SMURF1: variants seen among roughly 807,000 people sequenced by gnomAD.
SMURF1 encodes SMAD specific E3 ubiquitin protein ligase 1.
A neutral mutation model predicts 98.0 loss-of-function variants in SMURF1; 44 were observed. The ratio of observed to expected loss-of-function variants is 0.45; its 90% confidence interval spans 0.35 to 0.58. The LOEUF is 0.58. Ranked by LOEUF, SMURF1 falls within the 20% of genes least tolerant of loss-of-function variation. The pLI is 0.00. For synonymous variants in SMURF1, 396 were observed against 374.9 expected (o/e 1.06, Z -0.65); for missense variants, 687 against 938.4 (o/e 0.73, Z 3.50).
intron 1 of SMURF1, among the ~76,000 whole-genome samples, chr7:99,088,640 T>C (rs956539831): frequency 1.3e-5 from 2 of 152,118 alleles, no homozygotes; most frequent in African/African-American, 2.4e-5. Flanking sequence ...TTCAAGCAGA[T>C]TTTAAGAATT....
intron 1 of SMURF1, among the ~76,000 whole-genome samples, chr7:99,118,406 GTCAA>G (rs1449651758): frequency 2.0e-5 from 3 of 152,156 alleles, no homozygotes; most frequent in Admixed American, 6.5e-5. Context: ...CAATCCAAAT[GTCAA>G]TCAATTAAAA....
At chr7:99,070,545 T>G (rs575774127) in intron 1 of SMURF1, among the ~76,000 whole-genome samples, 2 of 152,350 alleles carry the variant, frequency 1.3e-5, no homozygotes, top group South Asian at 4.1e-4. Flanking sequence ...CTGAAGCAAG[T>G]ACTGTGTCTT....
chr7:99,063,238 T>TATATATATATATATATATATATAAG lies in SMURF1; in HGVS notation c.56-1402_56-1401insCTTATATATATATATATATATATAT, dbSNP rs1491463254. On this transcript the variant is annotated intron_variant, in intron 1 of 17. Coordinates refer to ENST00000361368, the MANE Select transcript of SMURF1 (RefSeq NM_181349.3). ...AAGATATATATATATATATAAGATT[T>TATATATATATATATATATATATAAG]ATTTATATATATATATATATATATA... 4.4e-3 allele frequency among the ~76,000 whole-genome samples: 22 copies of TATATATATATATATATATATATAAG among 5,044 alleles called. 3 individuals carry two copies. In the East Asian group the frequency reaches 0.15, roughly 35 times the overall value. 3.3% of individuals were successfully genotyped at this position (5,044 alleles called of 152,430 possible). A position where few individuals can be genotyped will look rare whatever the true frequency, so the allele number is the denominator to read the frequency against.
At position 99,027,707 on chromosome 7, in the gene SMURF1, C is replaced by G. The variant is rs1264741508; in HGVS notation, c.*2877G>C. On this transcript the variant is annotated 3_prime_UTR_variant, in exon 18 of 18. Coordinates refer to ENST00000361368, the MANE Select transcript of SMURF1 (RefSeq NM_181349.3). The stretch of plus-strand genomic sequence containing the variant: ...ACATTACAAAATAAATTAAAAAATA[C>G]GTTATAAAGTGGTTGAGAAACAAAA... 6.6e-6 allele frequency: 1 copy of G among 152,572 alleles called. No individual in the cohort carries two copies. Among genetic ancestry groups the G allele is most frequent in the East Asian group, 1.9e-4 (1 of 5,204 alleles). The allele number at this position is 152,572 out of a possible 1,614,324, so 9.5% of individuals were successfully genotyped here.
chr7:99,091,295 G>T (rs1408885398), intron 1 of SMURF1, among the ~76,000 whole-genome samples: 1 of 152,134 alleles, frequency 6.6e-6, no homozygotes, highest in East Asian at 1.9e-4. Flanking sequence ...TAAAATTCAT[G>T]CAATGCATAC....
chr7:99,141,901 G>A (rs1339741675), intron 1 of SMURF1, among the ~76,000 whole-genome samples: 1 of 152,216 alleles, frequency 6.6e-6, no homozygotes, highest in Non-Finnish European at 1.5e-5. Context: ...GAAAAATCCA[G>A]GGGAAAATCC....
At chr7:99,078,555 A>G (rs910899471) in intron 1 of SMURF1, among the ~76,000 whole-genome samples, 1 of 150,430 alleles carries the variant, frequency 6.6e-6, no homozygotes, top group African/African-American at 2.4e-5. Flanking sequence ...GCAGGAGGTG[A>G]GCAGCCAGCA....
intron 4 of SMURF1, 55 bp from the exon 5 acceptor site, chr7:99,057,325 C>T: frequency 6.2e-7 from 1 of 1,613,652 alleles, no homozygotes; most frequent in Non-Finnish European, 8.5e-7. Flanking sequence ...GGGAGGAAGG[C>T]AGGAATTCAG....
chr7:99,060,573 T>G (rs1796010415), intron 3 of SMURF1, 26 bp downstream of exon 3: 1 of 1,555,640 alleles, frequency 6.4e-7, no homozygotes, highest in Admixed American at 1.7e-5. Context: ...CCGCTCCGCA[T>G]GGGGCTTACA....
chr7:99,086,490 A>T (rs546975720), intron 1 of SMURF1, among the ~76,000 whole-genome samples: 3 of 152,216 alleles, frequency 2.0e-5, no homozygotes, highest in Non-Finnish European at 4.4e-5. Flanking sequence ...ACCACTTTGG[A>T]AAACAAGTTG....
intron 1 of SMURF1, among the ~76,000 whole-genome samples, chr7:99,126,977 G>C (rs1304900552): frequency 6.6e-6 from 1 of 152,190 alleles, no homozygotes; most frequent in Non-Finnish European, 1.5e-5. Flanking sequence ...CAGGGGCCGG[G>C]GGGAAGGGCC....
In SMURF1 at chr7:99,029,979, G is replaced by C. The variant is rs543841219; in HGVS notation, c.*605C>G. The C allele has an allele frequency of 3.8e-4, 58 of 152,332 alleles. No individual in the cohort carries two copies. The highest frequency in any genetic ancestry group is 1.3e-3 in the African/African-American group (56 of 41,562). 9.4% of individuals were successfully genotyped at this position (152,332 alleles called of 1,614,324 possible). A position where few individuals can be genotyped will look rare whatever the true frequency, so the allele number is the denominator to read the frequency against. On this transcript the variant is annotated 3_prime_UTR_variant, in exon 18 of 18. Coordinates refer to ENST00000361368, the MANE Select transcript of SMURF1 (RefSeq NM_181349.3). ...GCTCCAATTCCTTCTCCTTTCAAAG[G>C]GGAAACACATTTTGACTCAAGCTTC... is the stretch of plus-strand genomic sequence containing the variant.
At chr7:99,071,142 C>T (rs1796308170) in intron 1 of SMURF1, among the ~76,000 whole-genome samples, 1 of 151,354 alleles carries the variant, frequency 6.6e-6, no homozygotes, top group Non-Finnish European at 1.5e-5. Flanking sequence ...TCGTTGCAAA[C>T]TCCACCTCCC....
At position 99,036,092 on chromosome 7, in the gene SMURF1, A is replaced by G. The variant is rs1159354999; in HGVS notation, c.1810-376T>C. ...GGGTCTCTCCAGGACACTCAAGGACATGTGGAGTTTCAAGTCTGAAGAGAG... is the reference window on the plus strand; with the variant it reads ...GGGTCTCTCCAGGACACTCAAGGACGTGTGGAGTTTCAAGTCTGAAGAGAG... On this transcript the variant is annotated intron_variant, in intron 15 of 17. Coordinates refer to ENST00000361368, the MANE Select transcript of SMURF1 (RefSeq NM_181349.3). 4 of 265,144 alleles carry G rather than the reference A, an allele frequency of 1.5e-5. No individual in the cohort carries two copies. In the Admixed American group the frequency reaches 2.0e-4, roughly 13 times the overall value. 16.4% of individuals were successfully genotyped at this position (265,144 alleles called of 1,614,324 possible). A position where few individuals can be genotyped will look rare whatever the true frequency, so the allele number is the denominator to read the frequency against.
Position 99,143,754 on chromosome 7 carries a change from G to C in SMURF1, c.27C>G (p.Asn9Lys). Residue 9 changes from asparagine to lysine, a missense_variant, in exon 1 of 18, where the codon AAC (asparagine) becomes AAG (lysine). Physicochemically the swap from Asn to Lys is moderately conservative, Grantham distance 94. Transcript: ENST00000361368. Reference sequence around the variant, plus strand: ...TCAGACGGATCTTGATGCTGGAGCCGTTCCTGCGTGTCCCGGGGTTCGACA... The same window carrying C: ...TCAGACGGATCTTGATGCTGGAGCCCTTCCTGCGTGTCCCGGGGTTCGACA... The part of the protein sequence containing the change: MSNPGTRR[N>K]GSSIKIRLTV... 6.4e-7 allele frequency: 1 copy of C among 1,562,744 alleles called. No individual in the cohort carries two copies. Among genetic ancestry groups the C allele is most frequent in the Non-Finnish European group, 8.6e-7 (1 of 1,157,140 alleles).
chr7:99,085,393 G>T (rs1185050599), intron 1 of SMURF1, among the ~76,000 whole-genome samples: 1 of 142,848 alleles, frequency 7.0e-6, no homozygotes, highest in Non-Finnish European at 1.5e-5. Context: ...AAAAGAAAAA[G>T]AAAGTCTCCT....
At chr7:99,050,906 C>A (rs1349187845) in intron 8 of SMURF1, 6 of 1,486,786 alleles carry the variant, frequency 4.0e-6, no homozygotes, top group South Asian at 2.5e-5. Flanking sequence ...GGGGGGGGGT[C>A]TCTCTAACCT....
At position 99,054,843 on chromosome 7, in the gene SMURF1, T is replaced by C. The variant is rs1795842192; in HGVS notation, c.426A>G (p.Arg142=). 2 of 1,614,082 alleles carry C rather than the reference T, an allele frequency of 1.2e-6. No homozygotes were observed. The highest frequency in any genetic ancestry group is 1.3e-5 in the African/African-American group (1 of 74,942). The change falls in exon 6 of 18, where the codon AGA becomes AGG. Residue 142 remains arginine, a synonymous_variant. Coordinates refer to ENST00000361368, the MANE Select transcript of SMURF1 (RefSeq NM_181349.3). ...CCACCACCGAGCCGCCGGTTCCTAT[T>C]CTGTCTCGTGTCTGTAAACTGACTA... ...QIVVSLQTRD[R]IGTGGSVVDC...
At chr7:99,076,835 ATGTG>A (rs1401753424) in intron 1 of SMURF1, among the ~76,000 whole-genome samples, 1 of 120,376 alleles carries the variant, frequency 8.3e-6, no homozygotes, top group African/African-American at 2.5e-5. Flanking sequence ...ACGTGTGCCC[ATGTG>A]TATGTGTGTG....
Sources: gnomAD v4.1 joint callset for allele counts (sites outside exome capture counted in the v4.1 genomes callset) on GRCh38, gnomAD v4.1.1 for gene constraint, MANE v1.5 for transcripts, NCBI Gene and HGNC (gene_info 2026-07-23, HGNC 2026-07-21) for gene names.